XRCC4: variants seen among roughly 807,000 people sequenced by gnomAD.
XRCC4 encodes X-ray repair cross complementing 4.
A neutral mutation model predicts 39.1 loss-of-function variants in XRCC4; 28 were observed. That is an observed-to-expected ratio of 0.72 (90% CI 0.53 to 0.98). The LOEUF is 0.98. XRCC4 is among the 50% of genes least tolerant of loss of function. The pLI, the probability that XRCC4 is intolerant of heterozygous loss-of-function variation, is 0.00. For synonymous variants in XRCC4, 123 were observed against 126.4 expected (o/e 0.97, Z 0.18); for missense variants, 350 against 376.4 (o/e 0.93, Z 0.58).
the XRCC4 span, among the ~76,000 whole-genome samples, chr5:83,361,366 T>G: frequency 4.6e-5 from 7 of 152,188 alleles, no homozygotes; most frequent in Admixed American, 2.6e-4. Flanking sequence ...GGATATATTT[T>G]CATAGCCACT....
intron 7 of XRCC4, among the ~76,000 whole-genome samples, chr5:83,297,607 C>T (rs1251947921): frequency 1.3e-5 from 2 of 151,552 alleles, no homozygotes; most frequent in Non-Finnish European, 3.0e-5. Context: ...GAAGAAATAC[C>T]TAATAGTGAA....
chr5:83,108,343 A>C (rs1378925126), intron 2 of XRCC4, among the ~76,000 whole-genome samples: 2 of 151,914 alleles, frequency 1.3e-5, no homozygotes, highest in African/African-American at 4.8e-5. Flanking sequence ...CTTTTATAGG[A>C]ATTTTTCAAG....
Position 83,104,935 on chromosome 5 carries a change from A to G in XRCC4, c.16A>G (p.Ser6Gly), listed in dbSNP as rs771023679. The change falls in exon 2 of 8, where the codon AGC becomes GGC. Residue 6 changes from serine (S) to glycine (G), a missense_variant. Coordinates refer to ENST00000396027, the MANE Select transcript of XRCC4 (RefSeq NM_003401.5). MERKI[S>G]RIHLVSEPSI... Reference sequence around the variant, plus strand: ...GTATTAAGAAATGGAGAGAAAAATAAGCAGAATCCACCTTGTTTCTGAACC... The same window carrying G: ...GTATTAAGAAATGGAGAGAAAAATAGGCAGAATCCACCTTGTTTCTGAACC... 1 of 1,613,136 alleles carries G rather than the reference A, an allele frequency of 6.2e-7. No individual in the cohort carries two copies. Among genetic ancestry groups the G allele is most frequent in the African/African-American group, 1.3e-5 (1 of 74,892 alleles).
chr5:83,250,948 T>C (rs981827798), intron 6 of XRCC4, among the ~76,000 whole-genome samples: 3 of 152,206 alleles, frequency 2.0e-5, no homozygotes, highest in Non-Finnish European at 2.9e-5. Flanking sequence ...TTAAATTAGT[T>C]CCTTTTTAAT....
At chr5:83,333,080 G>T (rs1756487494) in intron 7 of XRCC4, among the ~76,000 whole-genome samples, 1 of 151,962 alleles carries the variant, frequency 6.6e-6, no homozygotes, top group South Asian at 2.1e-4. Flanking sequence ...TAGCCATTTT[G>T]AATAGACTTT....
chr5:83,210,107 A>T (rs949844452), intron 6 of XRCC4, among the ~76,000 whole-genome samples: 1 of 152,208 alleles, frequency 6.6e-6, no homozygotes, highest in African/African-American at 2.4e-5. Flanking sequence ...TTTTAAAAAT[A>T]GAACAGAATC....
At position 83,282,485 on chromosome 5, in the gene XRCC4, A is replaced by G. The variant is rs372239630; in HGVS notation, c.893+23808A>G. Among the ~76,000 whole-genome samples, 22 of 152,052 alleles carry G rather than the reference A, an allele frequency of 1.4e-4. 1 individual carries two copies. In the South Asian group the frequency reaches 3.1e-3, roughly 22 times the overall value. ...CTTCAATCAGAGTAGTTTCAGTTTT[A>G]TGTGTTGTACATATTAAGGTTCCAT... On this transcript the variant is annotated intron_variant, in intron 7 of 7. Transcript: ENST00000396027.
chr5:83,275,617 A>G (rs1754303855), intron 7 of XRCC4, among the ~76,000 whole-genome samples: 1 of 152,332 alleles, frequency 6.6e-6, no homozygotes, highest in South Asian at 2.1e-4. Flanking sequence ...TAGAAACTTA[A>G]CAGACATCAC....
chr5:83,098,411 T>C (rs1339269447), intron 1 of XRCC4, among the ~76,000 whole-genome samples: 2 of 152,138 alleles, frequency 1.3e-5, no homozygotes, highest in African/African-American at 2.4e-5. Context: ...CTTGGGACTT[T>C]GTTTGAAAAT....
At chr5:83,173,829 T>A (rs1264023777) in intron 3 of XRCC4, among the ~76,000 whole-genome samples, 1 of 152,220 alleles carries the variant, frequency 6.6e-6, no homozygotes, top group African/African-American at 2.4e-5. Flanking sequence ...ACATGGAATG[T>A]GACAATTGCT....
Position 83,141,291 on chromosome 5 carries a change from T to C in XRCC4, c.315+30088T>C, listed in dbSNP as rs28745330. Among the ~76,000 whole-genome samples, 1,119 of 152,310 alleles carry C rather than the reference T, an allele frequency of 7.3e-3. 5 individuals are homozygous for C. The highest frequency in any genetic ancestry group is 0.013 in the Non-Finnish European group (893 of 68,018). On this transcript the variant is annotated intron_variant, in intron 3 of 7. Transcript: ENST00000396027. ...GAATAACCTATGTATTTTTGTATTG[T>C]TGAAGGTTTATCTTTTCAGGTGAAT...
intron 1 of XRCC4, among the ~76,000 whole-genome samples, chr5:83,085,433 T>C (rs1745136647): frequency 6.6e-6 from 1 of 151,816 alleles, no homozygotes; most frequent in Non-Finnish European, 1.5e-5. Context: ...ATTACATCTG[T>C]CTAAACGTTG....
At chr5:83,238,771 G>A (rs879286740) in intron 6 of XRCC4, among the ~76,000 whole-genome samples, 9 of 151,742 alleles carry the variant, frequency 5.9e-5, no homozygotes, top group Non-Finnish European at 7.4e-5. Context: ...AATGGCCTTC[G>A]GGTTTATCAG....
intron 5 of XRCC4, among the ~76,000 whole-genome samples, chr5:83,204,427 A>G (rs1405295011): frequency 6.6e-6 from 1 of 152,116 alleles, no homozygotes. Context: ...TAATAAAGGT[A>G]AAGATACCCA....
chr5:83,163,792 T>G (rs551347217), intron 3 of XRCC4, among the ~76,000 whole-genome samples: 1 of 152,338 alleles, frequency 6.6e-6, no homozygotes, highest in South Asian at 2.1e-4. Context: ...TTTAACACAT[T>G]GTGTCTTTGT....
intron 3 of XRCC4, among the ~76,000 whole-genome samples, chr5:83,171,855 A>C (rs1168656401): frequency 6.6e-6 from 1 of 152,210 alleles, no homozygotes; most frequent in Non-Finnish European, 1.5e-5. Context: ...TTATTTATGC[A>C]TTCATGCTAA....
intron 3 of XRCC4, among the ~76,000 whole-genome samples, chr5:83,112,187 T>C (rs1479051992): frequency 1.3e-5 from 2 of 152,232 alleles, no homozygotes; most frequent in Non-Finnish European, 2.9e-5. Context: ...AGTTTCAATA[T>C]GCTGAATTTC....
At chr5:83,182,400 CA>C in intron 3 of XRCC4, among the ~76,000 whole-genome samples, 1 of 152,178 alleles carries the variant, frequency 6.6e-6, no homozygotes, top group African/African-American at 2.4e-5. Context: ...AAAACACTCC[CA>C]AAAACCAAAC....
At chr5:83,132,538 C>CT (rs1336689798) in intron 3 of XRCC4, among the ~76,000 whole-genome samples, 1 of 151,960 alleles carries the variant, frequency 6.6e-6, no homozygotes, top group Non-Finnish European at 1.5e-5. Context: ...TAGGTTTGTT[C>CT]TTTTCACATA....
Sources: allele counts gnomAD v4.1 joint callset (sites outside exome capture counted in the v4.1 genomes callset), GRCh38; gene constraint gnomAD v4.1.1; transcripts MANE v1.5; gene names NCBI Gene and HGNC (gene_info 2026-07-23, HGNC 2026-07-21).